The following PRKAG2 variants were observed in gnomAD, a reference collection of about 807,000 sequenced individuals.
The protein encoded by PRKAG2 is protein kinase AMP-activated non-catalytic subunit gamma 2, also known as 5'-AMP-activated protein kinase subunit gamma-2.
A neutral mutation model predicts 69.6 loss-of-function variants in PRKAG2; 26 were observed. The observed-to-expected ratio is 0.37, with a 90% CI of 0.27 to 0.52. The LOEUF (loss-of-function observed/expected upper bound fraction) is 0.52. Ranked by LOEUF, PRKAG2 falls within the 20% of genes least tolerant of loss-of-function variation. The pLI is 0.90. For missense variants in PRKAG2, 557 were observed against 740.0 expected (o/e 0.75, Z 2.87); for synonymous variants, 293 against 285.0 (o/e 1.03, Z -0.28).
intron 5 of PRKAG2, among the ~76,000 whole-genome samples, chr7:151,620,344 T>C (rs537750543): frequency 6.6e-6 from 1 of 152,198 alleles, no homozygotes; most frequent in Admixed American, 6.5e-5. Context: ...TCTCTCATTC[T>C]TTCTTTCTTT....
At chr7:151,630,873 TA>T (rs980479218) in intron 5 of PRKAG2, among the ~76,000 whole-genome samples, 4 of 152,234 alleles carry the variant, frequency 2.6e-5, no homozygotes, top group Admixed American at 2.0e-4. Flanking sequence ...TTAAGTCCGG[TA>T]AAATTCTGAA....
intron 4 of PRKAG2, among the ~76,000 whole-genome samples, chr7:151,657,631 G>T (rs2151420216): frequency 6.6e-6 from 1 of 152,204 alleles, no homozygotes; most frequent in East Asian, 1.9e-4. Flanking sequence ...CTTCTTTGCA[G>T]GACTGTTGTG....
At chr7:151,744,112 C>T (rs1563574853) in intron 3 of PRKAG2, among the ~76,000 whole-genome samples, 2 of 152,186 alleles carry the variant, frequency 1.3e-5, no homozygotes, top group South Asian at 4.1e-4. Flanking sequence ...GGCGTGAAGG[C>T]GACCACCCTT....
At position 151,814,892 on chromosome 7, in the gene PRKAG2, G is replaced by A. The variant is rs891088058; in HGVS notation, c.115-28351C>T. 3 of 1,230,822 alleles carry A rather than the reference G, an allele frequency of 2.4e-6. No individual in the cohort carries two copies. The allele number at this position is 1,230,822 out of a possible 1,614,324, so 76.2% of individuals were successfully genotyped here. A position where few individuals can be genotyped will look rare whatever the true frequency, so the allele number is the denominator to read the frequency against. ...AAACTCCTTACCACACAGCAAGCCA[G>A]CAGGAGGGAGGGCTGGACCGGAGCT... On this transcript the variant is annotated intron_variant, in intron 1 of 15. Coordinates refer to ENST00000287878, the MANE Select transcript of PRKAG2 (RefSeq NM_016203.4). This position sits in a 1 kb window ranked among gnomAD's most constrained non-coding sequence, Gnocchi z 4.8.
intron 1 of PRKAG2, among the ~76,000 whole-genome samples, chr7:151,799,318 CTT>C (rs2077707968): frequency 6.6e-6 from 1 of 152,224 alleles, no homozygotes; most frequent in African/African-American, 2.4e-5. Flanking sequence ...ATGTCATGCT[CTT>C]ATAGCTGCTT....
intron 1 of PRKAG2, among the ~76,000 whole-genome samples, chr7:151,833,216 AGATCTGTGGG>A (rs1412449890): frequency 1.8e-4 from 28 of 152,192 alleles, no homozygotes; most frequent in Admixed American, 1.8e-3. Context: ...GGCCTCGTGG[AGATCTGTGGG>A]GTGGACCTGA....
In PRKAG2 at chr7:151,614,529, A is replaced by C. The variant is rs1174027883; in HGVS notation, c.754+17540T>G. 6.6e-6 allele frequency among the ~76,000 whole-genome samples: 1 copy of C among 150,840 alleles called. No homozygotes were observed. Among genetic ancestry groups the C allele is most frequent in the Non-Finnish European group, 1.5e-5 (1 of 67,662 alleles). ...CTGAGACCCTGCTCCCTCCATCGTGACTCTCCGTCCCATCCCTGCGTGCTC... is the reference window on the plus strand; with the variant it reads ...CTGAGACCCTGCTCCCTCCATCGTGCCTCTCCGTCCCATCCCTGCGTGCTC... On this transcript the variant is annotated intron_variant, in intron 5 of 15. Coordinates refer to ENST00000287878, the MANE Select transcript of PRKAG2 (RefSeq NM_016203.4). This position sits in a 1 kb window ranked among gnomAD's most constrained non-coding sequence, Gnocchi z 4.4.
At chr7:151,700,832 C>T (rs565655055) in intron 3 of PRKAG2, among the ~76,000 whole-genome samples, 8 of 152,270 alleles carry the variant, frequency 5.3e-5, no homozygotes, top group South Asian at 2.1e-4. Context: ...GGCCTTGTGC[C>T]GAACCCCAAA....
intron 3 of PRKAG2, among the ~76,000 whole-genome samples, chr7:151,754,149 G>C (rs1298798601): frequency 6.6e-6 from 1 of 152,212 alleles, no homozygotes; most frequent in South Asian, 2.1e-4. Flanking sequence ...ACTCTAACTC[G>C]CTGAGGGCAA....
chr7:151,774,787 C>G (rs2076255064), intron 3 of PRKAG2, among the ~76,000 whole-genome samples: 1 of 152,114 alleles, frequency 6.6e-6, no homozygotes, highest in Non-Finnish European at 1.5e-5. Context: ...AGCCTGGTGA[C>G]AGAGTGAGAC....
chr7:151,709,088 G>A (rs1302141917), intron 3 of PRKAG2, among the ~76,000 whole-genome samples: 6 of 151,816 alleles, frequency 4.0e-5, no homozygotes, highest in African/African-American at 7.3e-5. Flanking sequence ...ACACTGACAC[G>A]TGATATTGAG....
chr7:151,862,307 G>A (rs1563763101), intron 1 of PRKAG2, among the ~76,000 whole-genome samples: 1 of 151,836 alleles, frequency 6.6e-6, no homozygotes, highest in Non-Finnish European at 1.5e-5. Context: ...TTTTTTTCTG[G>A]CCAGTAGATT....
chr7:151,809,242 A>G, intron 1 of PRKAG2: 1 of 456,698 alleles, frequency 2.2e-6, no homozygotes, highest in Non-Finnish European at 4.4e-6. Flanking sequence ...TTCTGCTTTC[A>G]AAACAGGTGA....
rs113418819 is a variant in PRKAG2, at chr7:151,562,930, C to T, written c.1584+1148G>A. 5.8e-3 allele frequency among the ~76,000 whole-genome samples: 838 copies of T among 144,338 alleles called. 8 individuals are homozygous for T. The highest frequency in any genetic ancestry group is 0.02 in the African/African-American group (760 of 38,686). 94.7% of individuals were successfully genotyped at this position (144,338 alleles called of 152,430 possible). A position where few individuals can be genotyped will look rare whatever the true frequency, so the allele number is the denominator to read the frequency against. ...AGATCACGCCACTGCACTCCAGCCT[C>T]GGCGACAGAGCAAGACTCCGTCTCA... On this transcript the variant is annotated intron_variant, in intron 14 of 15. Transcript: ENST00000287878.
intron 5 of PRKAG2, among the ~76,000 whole-genome samples, chr7:151,620,916 G>A (rs1001681471): frequency 2.0e-5 from 3 of 151,898 alleles, no homozygotes; most frequent in Middle Eastern, 6.8e-3. Context: ...GGGATTACCC[G>A]ATCCACCCAT....
At position 151,699,933 on chromosome 7, in the gene PRKAG2, C is replaced by T. The variant is rs1375464321; in HGVS notation, c.467-24296G>A. Among the ~76,000 whole-genome samples, 6 of 152,130 alleles carry T rather than the reference C, an allele frequency of 3.9e-5. No individual in the cohort carries two copies. Among genetic ancestry groups the T allele is most frequent in the Non-Finnish European group, 7.4e-5 (5 of 68,022 alleles). On this transcript the variant is annotated intron_variant, in intron 3 of 15. Coordinates refer to ENST00000287878, the MANE Select transcript of PRKAG2 (RefSeq NM_016203.4). This position sits in a 1 kb window ranked among gnomAD's most constrained non-coding sequence, Gnocchi z 4.5. ...GCAGTGCTCTGCTGCCACAGGCGGC[C>T]GCAGATGGGTGCCCCCACATTGCAG...
At chr7:151,866,014 T>C (rs2080066617) in intron 1 of PRKAG2, among the ~76,000 whole-genome samples, 1 of 131,818 alleles carries the variant, frequency 7.6e-6, no homozygotes, top group Admixed American at 8.1e-5. Flanking sequence ...AGCAAGACTC[T>C]GTCTCAAAAA....
rs761196275 is a variant in PRKAG2, at chr7:151,786,509, G to T, written c.147C>A (p.Asp49Glu). The T allele has an allele frequency of 6.2e-7, 1 of 1,612,884 alleles. No individual in the cohort carries two copies. Among genetic ancestry groups the T allele is most frequent in the African/African-American group, 1.3e-5 (1 of 74,916 alleles). ...DLSSFAMPLL[D>E]GDLEGSGKHS... ...GCTTTCCGGAACCCTCCAGGTCTCC[G>T]TCCAGGAGCGGCATGGCGAAGGAGC... The change falls in exon 2 of 16, where the codon GAC becomes GAA. Residue 49 changes from aspartate to glutamate, a missense_variant. By Grantham distance (45) the Asp-to-Glu change is conservative. Coordinates refer to ENST00000287878, the MANE Select transcript of PRKAG2 (RefSeq NM_016203.4).
chr7:151,873,659 C>T (rs1406747193), intron 1 of PRKAG2, among the ~76,000 whole-genome samples: 2 of 152,172 alleles, frequency 1.3e-5, no homozygotes, highest in Non-Finnish European at 2.9e-5. Context: ...TGGCTCATGC[C>T]AAGAACGTTA....
Sources: allele counts gnomAD v4.1 joint callset (sites outside exome capture counted in the v4.1 genomes callset), GRCh38; gene constraint gnomAD v4.1.1; non-coding constraint Gnocchi (gnomAD v3.1); transcripts MANE v1.5; gene names NCBI Gene and HGNC (gene_info 2026-07-23, HGNC 2026-07-21).